Variants in CCDC180 observed in about 807,000 individuals in gnomAD.
CCDC180 encodes coiled-coil domain-containing protein 180.
A neutral mutation model predicts 209.2 loss-of-function variants in CCDC180; 154 were observed. That is an observed-to-expected ratio of 0.74 (90% CI 0.65 to 0.84). The LOEUF (loss-of-function observed/expected upper bound fraction) is 0.84, where lower values mean the gene tolerates loss of function less well. Ranked by LOEUF, CCDC180 falls within the 40% of genes least tolerant of loss-of-function variation. The pLI, the probability that CCDC180 is intolerant of heterozygous loss-of-function variation, is 0.00. For synonymous variants in CCDC180, 778 were observed against 749.1 expected (o/e 1.04, Z -0.63); for missense variants, 1,874 against 1,997.3 (o/e 0.94, Z 1.18).
At chr9:97,344,490 A>G (rs184226034) in intron 19 of CCDC180, among the ~76,000 whole-genome samples, 57 of 152,276 alleles carry the variant, frequency 3.7e-4, no homozygotes, top group African/African-American at 1.4e-3. Flanking sequence ...CTATCACAGG[A>G]GCTATTATTT....
At chr9:97,335,152 C>G (rs1825863966) in intron 18 of CCDC180, among the ~76,000 whole-genome samples, 1 of 151,802 alleles carries the variant, frequency 6.6e-6, no homozygotes, top group African/African-American at 2.4e-5. Flanking sequence ...ATTAAAAACT[C>G]TTTCCCATTT....
chr9:97,361,388 A>T (rs1237294539), intron 26 of CCDC180, among the ~76,000 whole-genome samples: 1 of 152,248 alleles, frequency 6.6e-6, no homozygotes, highest in East Asian at 1.9e-4. Flanking sequence ...TATAAGTGCA[A>T]GTTAAATGTC....
chr9:97,345,339 A>T (rs1826221290), intron 19 of CCDC180, among the ~76,000 whole-genome samples: 2 of 152,232 alleles, frequency 1.3e-5, no homozygotes, highest in African/African-American at 4.8e-5. Context: ...ATAACAGCAT[A>T]TGAGAACTTC....
At chr9:97,318,137 AG>A (rs1407224550) in intron 9 of CCDC180, among the ~76,000 whole-genome samples, 1 of 152,170 alleles carries the variant, frequency 6.6e-6, no homozygotes, top group Non-Finnish European at 1.5e-5. Context: ...ACTTGACCAA[AG>A]TTACAGAGCA....
chr9:97,339,524 T>A (rs569734423), intron 18 of CCDC180, among the ~76,000 whole-genome samples: 1 of 152,358 alleles, frequency 6.6e-6, no homozygotes, highest in Admixed American at 6.5e-5. Context: ...TGCTGAGAGA[T>A]CCACTGTTAG....
chr9:97,364,264 G>A (rs1187785278), intron 29 of CCDC180, 136 bp downstream of exon 29: 5 of 716,846 alleles, frequency 7.0e-6, no homozygotes, highest in Non-Finnish European at 9.4e-6. Context: ...AGAGGAGATA[G>A]CAAGGTCAAG....
At chr9:97,344,510 A>G (rs919000539) in intron 19 of CCDC180, among the ~76,000 whole-genome samples, 5 of 152,300 alleles carry the variant, frequency 3.3e-5, no homozygotes, top group Admixed American at 2.6e-4. Context: ...TACTGAGTGT[A>G]TTTAATCCCC....
chr9:97,347,779 A>T, intron 20 of CCDC180: 1 of 302,016 alleles, frequency 3.3e-6, no homozygotes, highest in South Asian at 4.6e-5. Flanking sequence ...TGGAACCCAG[A>T]TCTGCTCATA....
In CCDC180 at chr9:97,320,212, G is replaced by A; in HGVS notation, c.1159+7G>A. ...TCCCTGAACAAGGAGCTAGGTGAGT[G>A]ACGTCTGCAGGACTCCACCTGCATT... On this transcript the variant is annotated splice_region_variant and intron_variant, in intron 11 of 36. Coordinates refer to ENST00000529487, the MANE Select transcript of CCDC180 (RefSeq NM_020893.6). The A allele has an allele frequency of 6.2e-7, 1 of 1,612,446 alleles. No homozygotes were observed. The highest frequency in any genetic ancestry group is 1.1e-5 in the South Asian group (1 of 91,060).
At chr9:97,331,795 T>G (rs1276240103) in intron 18 of CCDC180, among the ~76,000 whole-genome samples, 1 of 152,232 alleles carries the variant, frequency 6.6e-6, no homozygotes, top group African/African-American at 2.4e-5. Context: ...ATTCTGGATA[T>G]TAGACCTTTG....
intron 18 of CCDC180, among the ~76,000 whole-genome samples, chr9:97,340,684 G>A (rs946760030): frequency 2.0e-5 from 3 of 152,226 alleles, no homozygotes; most frequent in Non-Finnish European, 4.4e-5. Flanking sequence ...AGGGCTCCTT[G>A]GTCTAGCGGT....
rs375947783 is a variant in CCDC180 at position 97,370,766 on chromosome 9, G to A, written c.4476G>A (p.Lys1492=). 6.8e-6 allele frequency: 11 copies of A among 1,613,738 alleles called. No homozygotes were observed. The African/African-American group carries it at 1.5e-4, about 22-fold the overall frequency. ...TGGACAGCATGATTAGGATGAACAA[G>A]GAGAAGCTGGAGGTCAGTGATACCA... ...EELDSMIRMN[K]EKLEECTRRN... is the part of the protein sequence containing the mutation. Residue 1492 remains lysine, a synonymous_variant, in exon 33 of 37, where the codon AAG becomes AAA. Coordinates refer to ENST00000529487, the MANE Select transcript of CCDC180 (RefSeq NM_020893.6).
At chr9:97,349,390 C>A in intron 21 of CCDC180, 99 bp downstream of exon 21, 2 of 982,354 alleles carry the variant, frequency 2.0e-6, no homozygotes, top group Non-Finnish European at 2.9e-6. Flanking sequence ...GACACAAAAG[C>A]AGAAGGCACC....
chr9:97,366,445 A>G lies in CCDC180; in HGVS notation c.4048-114A>G, dbSNP rs1030737470. The G allele has an allele frequency of 1.3e-5, 14 of 1,073,640 alleles. No homozygotes were observed. The African/African-American group carries it at 2.1e-4, about 16-fold the overall frequency. The allele number at this position is 1,073,640 out of a possible 1,614,324, so 66.5% of individuals were successfully genotyped here. ...TCTGCTCGTGTCACTTCCACAGGGG[A>G]TGCCACGAGCAAAGGCTAGGGAGTG... On this transcript the variant is annotated intron_variant, in intron 30 of 36. Transcript: ENST00000529487. The surrounding 1 kb of genome is among the most constrained non-coding windows in gnomAD (Gnocchi z 4.3).
intron 3 of CCDC180, among the ~76,000 whole-genome samples, chr9:97,310,664 CTTGG>C (rs1037519512): frequency 2.6e-5 from 4 of 152,296 alleles, no homozygotes; most frequent in African/African-American, 7.2e-5. Context: ...CGCTGCCTGT[CTTGG>C]TTGTTCCTTT....
intron 8 of CCDC180, among the ~76,000 whole-genome samples, chr9:97,316,571 G>A (rs190875624): frequency 2.8e-4 from 43 of 152,292 alleles, no homozygotes; most frequent in African/African-American, 9.6e-4. Flanking sequence ...ATCATCCCAC[G>A]CCCATGCCAG....
chr9:97,358,094 C>G (rs149999322), intron 25 of CCDC180: 1 of 157,178 alleles, frequency 6.4e-6, no homozygotes, highest in East Asian at 1.8e-4. Context: ...TGAACAACCA[C>G]TTTTTGTTTG....
At chr9:97,323,757 T>C (rs1833433917) in intron 12 of CCDC180, 24 bp from the exon 13 acceptor site, 1 of 1,550,370 alleles carries the variant, frequency 6.5e-7, no homozygotes, top group Non-Finnish European at 8.7e-7. Context: ...TAAGCCAGGC[T>C]CTGCCTTGTC....
intron 20 of CCDC180, among the ~76,000 whole-genome samples, chr9:97,348,125 G>C (rs1004894623): frequency 6.7e-6 from 1 of 148,684 alleles, no homozygotes; most frequent in Non-Finnish European, 1.5e-5. Context: ...GGGGCGGGGG[G>C]GGGGCATGTT....
Sources: gnomAD v4.1 joint callset for allele counts (sites outside exome capture counted in the v4.1 genomes callset) on GRCh38, gnomAD v4.1.1 for gene constraint, Gnocchi (gnomAD v3.1) non-coding constraint, MANE v1.5 for transcripts, NCBI Gene and HGNC (gene_info 2026-07-23, HGNC 2026-07-21) for gene names.